The following HTRA1 variants were observed in gnomAD, a reference collection of about 807,000 sequenced individuals.
HTRA1 encodes serine protease HTRA1.
HTRA1 carries 26 observed loss-of-function variants against 49.7 expected under a neutral mutation model. That is an observed-to-expected ratio of 0.52 (90% confidence interval 0.38 to 0.73). The LOEUF (loss-of-function observed/expected upper bound fraction) is 0.73. Ranked by LOEUF, HTRA1 falls within the 30% of genes least tolerant of loss-of-function variation. The pLI, the probability that HTRA1 is intolerant of heterozygous loss-of-function variation, is 0.00. For missense variants in HTRA1, 561 were observed against 667.2 expected, an observed-to-expected ratio of 0.84 and a Z score of 1.75; for synonymous variants, 291 against 286.9, an observed-to-expected ratio of 1.01 and a Z score of -0.14.
chr10:122,512,130 G>C (rs568204970), intron 8 of HTRA1, 65 bp downstream of exon 8: 2 of 1,148,828 alleles, frequency 1.7e-6, no homozygotes, highest in African/African-American at 3.0e-5. Context: ...AGCAGGAAGA[G>C]GGAGCGCTGT....
At position 122,461,645 on chromosome 10, in the gene HTRA1, G is replaced by C; in HGVS notation, c.-8G>C. The C allele has an allele frequency of 7.6e-7, 1 of 1,307,278 alleles. No homozygotes were observed. The highest frequency in any genetic ancestry group is 9.9e-7 in the Non-Finnish European group (1 of 1,011,958). 81.0% of individuals were successfully genotyped at this position (1,307,278 alleles called of 1,614,324 possible). ...TCCGCCGCCACCGCCGCCGCCGCCA[G>C]AGTCGCCATGCAGATCCCGCGCGCC... is the stretch of plus-strand genomic sequence containing the variant. On this transcript the variant is annotated 5_prime_UTR_variant, in exon 1 of 9. Transcript: ENST00000368984.
intron 1 of HTRA1, among the ~76,000 whole-genome samples, chr10:122,468,994 G>A (rs1412183654): frequency 2.6e-5 from 4 of 152,072 alleles, no homozygotes; most frequent in Non-Finnish European, 5.9e-5. Context: ...ACAATCCTCC[G>A]CAGCATCCCG....
chr10:122,489,005 AAG>A lies in HTRA1; in HGVS notation c.572+9_572+10del. The A allele has an allele frequency of 6.2e-7, 1 of 1,605,986 alleles. No individual in the cohort carries two copies. The highest frequency in any genetic ancestry group is 8.5e-7 in the Non-Finnish European group (1 of 1,172,546). ...TTCATATCGAATTGTTTCGCAAGTA[AAG>A]AGAGCCTTCCTTTTTCCTATAACCT... On this transcript the variant is annotated splice_donor_5th_base_variant and intron_variant, in intron 2 of 8. Coordinates refer to ENST00000368984, the MANE Select transcript of HTRA1 (RefSeq NM_002775.5).
chr10:122,478,842 C>T (rs1309981050), intron 1 of HTRA1, among the ~76,000 whole-genome samples: 5 of 152,222 alleles, frequency 3.3e-5, no homozygotes, highest in Non-Finnish European at 5.9e-5. Flanking sequence ...TGCAGTCACA[C>T]CTTGCCCCGT....
chr10:122,466,226 C>T (rs971380314), intron 1 of HTRA1, among the ~76,000 whole-genome samples: 9 of 152,194 alleles, frequency 5.9e-5, no homozygotes, highest in Admixed American at 2.0e-4. Context: ...AGTGCAGTGG[C>T]GCGATCTCGG....
Position 122,496,224 on chromosome 10 carries a change from G to GTT in HTRA1, c.777+6598_777+6599insTT, listed in dbSNP as rs1565427091. ...GCCCTTTCGTTTGCCAGAGATTGTGGGTTCTTTTTTTTTTTTTTTTTTTTT... is the reference window on the plus strand; with the variant it reads ...GCCCTTTCGTTTGCCAGAGATTGTGGTTGTTCTTTTTTTTTTTTTTTTTTTTT... On this transcript the variant is annotated intron_variant, in intron 3 of 8. Transcript: ENST00000368984. Among the ~76,000 whole-genome samples, 67 of 32,094 alleles carry GTT rather than the reference G, an allele frequency of 2.1e-3. 1 individual carries two copies. The highest frequency in any genetic ancestry group is 6.7e-3 in the East Asian group (11 of 1,648). The allele number at this position is 32,094 out of a possible 152,430, so 21.1% of individuals were successfully genotyped here.
chr10:122,473,041 C>T (rs2097486843), intron 1 of HTRA1, among the ~76,000 whole-genome samples: 1 of 152,194 alleles, frequency 6.6e-6, no homozygotes, highest in Non-Finnish European at 1.5e-5. Flanking sequence ...GAAGATGGTG[C>T]CAAACCCCAG....
At chr10:122,470,754 G>C (rs1005013056) in intron 1 of HTRA1, among the ~76,000 whole-genome samples, 3 of 152,054 alleles carry the variant, frequency 2.0e-5, no homozygotes, top group African/African-American at 7.2e-5. Flanking sequence ...AAGAGATTAG[G>C]ACCTCTAGTT....
chr10:122,490,458 T>C lies in HTRA1; in HGVS notation c.777+832T>C, dbSNP rs1054869425. 6.6e-6 allele frequency among the ~76,000 whole-genome samples: 1 copy of C among 152,218 alleles called. No homozygotes were observed. Among genetic ancestry groups the C allele is most frequent in the African/African-American group, 2.4e-5 (1 of 41,460 alleles). ...ACAATATCCATTTCTTACTGACTCA[T>C]CAAAAACCCCCACTCGACACGTCGA... is the stretch of plus-strand genomic sequence containing the variant. On this transcript the variant is annotated intron_variant, in intron 3 of 8. Coordinates refer to ENST00000368984, the MANE Select transcript of HTRA1 (RefSeq NM_002775.5). This position sits in a 1 kb window ranked among gnomAD's most constrained non-coding sequence, Gnocchi z 4.2.
intron 2 of HTRA1, 78 bp downstream of exon 2, chr10:122,489,079 A>G: frequency 9.7e-7 from 1 of 1,030,888 alleles, no homozygotes; most frequent in Non-Finnish European, 1.5e-6. Context: ...TATTTTTGAG[A>G]TACATTAAAG....
At chr10:122,477,779 G>T (rs866703271) in intron 1 of HTRA1, among the ~76,000 whole-genome samples, 1 of 151,748 alleles carries the variant, frequency 6.6e-6, no homozygotes, top group Admixed American at 6.6e-5. Flanking sequence ...TTTCATGGTC[G>T]AGAGGTTGCT....
chr10:122,496,258 T>TG (rs2097498721), intron 3 of HTRA1, among the ~76,000 whole-genome samples: 1 of 132,508 alleles, frequency 7.5e-6, no homozygotes, highest in African/African-American at 2.8e-5. Flanking sequence ...TTTTTTTTTT[T>TG]TGCAGAGATG....
At chr10:122,476,872 G>A (rs1591027695) in intron 1 of HTRA1, among the ~76,000 whole-genome samples, 1 of 152,064 alleles carries the variant, frequency 6.6e-6, no homozygotes, top group Non-Finnish European at 1.5e-5. Flanking sequence ...GGCACCTGCC[G>A]ATAAATTTCC....
intron 1 of HTRA1, among the ~76,000 whole-genome samples, chr10:122,472,180 A>T (rs1231937330): frequency 6.6e-6 from 1 of 152,014 alleles, no homozygotes; most frequent in Non-Finnish European, 1.5e-5. Context: ...TCCTAGCATA[A>T]GGACTCTTTT....
chr10:122,483,971 T>A (rs1165414360), intron 1 of HTRA1, among the ~76,000 whole-genome samples: 1 of 152,072 alleles, frequency 6.6e-6, no homozygotes, highest in African/African-American at 2.4e-5. Flanking sequence ...TTTTTCTATA[T>A]AGACTATCAT....
chr10:122,468,157 T>C (rs1242727774), intron 1 of HTRA1, among the ~76,000 whole-genome samples: 1 of 152,192 alleles, frequency 6.6e-6, no homozygotes, highest in Non-Finnish European at 1.5e-5. Flanking sequence ...TCGTGGTAGA[T>C]AGTATGATGC....
At chr10:122,476,316 C>A (rs1273053422) in intron 1 of HTRA1, among the ~76,000 whole-genome samples, 1 of 152,208 alleles carries the variant, frequency 6.6e-6, no homozygotes, top group East Asian at 1.9e-4. Flanking sequence ...ACAAAGGGAG[C>A]TTTTCTTAGG....
chr10:122,491,539 C>A (rs1009605598), intron 3 of HTRA1, among the ~76,000 whole-genome samples: 1 of 152,230 alleles, frequency 6.6e-6, no homozygotes, highest in South Asian at 2.1e-4. Context: ...ACGCCGCCCC[C>A]ACTGCGTAAC....
chr10:122,488,420 A>G (rs7096805), intron 1 of HTRA1, among the ~76,000 whole-genome samples: 140 of 152,204 alleles, frequency 9.2e-4, no homozygotes, highest in African/African-American at 3.2e-3. Flanking sequence ...ATACAAAAAT[A>G]CAAAGGTGGT....
Sources: allele counts gnomAD v4.1 joint callset (sites outside exome capture counted in the v4.1 genomes callset), GRCh38; gene constraint gnomAD v4.1.1; non-coding constraint Gnocchi (gnomAD v3.1); transcripts MANE v1.5; gene names NCBI Gene and HGNC (gene_info 2026-07-23, HGNC 2026-07-21).